Variants in NHSL2 observed in about 807,000 individuals in gnomAD.
NHSL2 encodes NHS like 2.
Under a neutral mutation model 53.4 loss-of-function variants are expected in NHSL2, and 27 were observed. The ratio of observed to expected loss-of-function variants is 0.51; its 90% CI spans 0.37 to 0.70. The LOEUF is 0.70. Ranked by LOEUF, NHSL2 falls within the 30% of genes least tolerant of loss-of-function variation. The probability of loss-of-function intolerance (pLI) is 0.00; values close to 1 mark genes in which losing one functional copy is unlikely to be tolerated. For missense variants in NHSL2, 892 were observed against 980.1 expected (o/e 0.91, Z 1.20); for synonymous variants, 408 against 404.1 (o/e 1.01, Z -0.12).
chrX:72,058,761 G>C (rs1464522550), intron 1 of NHSL2, among the ~76,000 whole-genome samples: 3 of 112,490 alleles, frequency 2.7e-5, no homozygotes, highest in Non-Finnish European at 3.8e-5. Context: ...ATTGCTACCT[G>C]ACCTGGCTTG....
In NHSL2 at chrX:72,102,552, G is replaced by A. The variant is rs148166914; in HGVS notation, c.281-29527G>A. Among the ~76,000 whole-genome samples the A allele has an allele frequency of 1.4e-4, 16 of 112,316 alleles. No individual in the cohort carries two copies. In the East Asian group the frequency reaches 4.4e-3, roughly 31 times the overall value. On this transcript the variant is annotated intron_variant, in intron 1 of 7. Coordinates refer to ENST00000633930, the MANE Select transcript of NHSL2 (RefSeq NM_001013627.3). ...AGGAATAAATGAGAAAATGTGTTAG[G>A]TTGAATCCTATGAAACTGTCCAAAG...
intron 1 of NHSL2, among the ~76,000 whole-genome samples, chrX:71,993,637 G>A (rs758794939): frequency 9.0e-6 from 1 of 111,556 alleles, no homozygotes; most frequent in Non-Finnish European, 1.9e-5. Flanking sequence ...CTGTCTGAAT[G>A]AGCCAAGGAT....
intron 1 of NHSL2, among the ~76,000 whole-genome samples, chrX:71,911,960 G>C (rs2041605792): frequency 8.9e-6 from 1 of 111,883 alleles, no homozygotes; most frequent in Non-Finnish European, 1.9e-5. Flanking sequence ...CTCTCCGCAC[G>C]TTTTGGGCCG....
At chrX:71,986,172 A>G (rs376187582) in intron 1 of NHSL2, among the ~76,000 whole-genome samples, 13 of 112,164 alleles carry the variant, frequency 1.2e-4, no homozygotes, top group African/African-American at 3.9e-4. Context: ...TATGACTTTT[A>G]TACCAAATAA....
At chrX:71,957,424 G>C (rs1223902852) in intron 1 of NHSL2, among the ~76,000 whole-genome samples, 1 of 112,221 alleles carries the variant, frequency 8.9e-6, no homozygotes, top group Non-Finnish European at 1.9e-5. Context: ...CCACCACCGT[G>C]CTCAGCTAAT....
At chrX:72,066,244 A>C (rs758956055) in intron 1 of NHSL2, among the ~76,000 whole-genome samples, 43 of 111,730 alleles carry the variant, frequency 3.8e-4, no homozygotes, top group Admixed American at 6.6e-4. Flanking sequence ...TACAGGACTC[A>C]GTGAATGCGT....
At chrX:72,014,140 T>G (rs555840912) in intron 1 of NHSL2, among the ~76,000 whole-genome samples, 1 of 112,267 alleles carries the variant, frequency 8.9e-6, no homozygotes, top group East Asian at 2.8e-4. Flanking sequence ...ATTTGATGTC[T>G]GAAGGCTCTG....
intron 1 of NHSL2, among the ~76,000 whole-genome samples, chrX:72,093,728 T>TGCTTGC (rs1300920275): frequency 3.7e-5 from 3 of 80,815 alleles, no homozygotes; most frequent in Non-Finnish European, 2.7e-5. Flanking sequence ...CTTGCTTTCT[T>TGCTTGC]TCTTTCTTTC....
At chrX:71,929,462 G>A (rs964931351) in intron 1 of NHSL2, among the ~76,000 whole-genome samples, 3 of 112,379 alleles carry the variant, frequency 2.7e-5, no homozygotes, top group Non-Finnish European at 5.6e-5. Flanking sequence ...AGAGTTTAGT[G>A]AAAATAAACA....
chrX:72,076,438 C>T (rs780513907), intron 1 of NHSL2, among the ~76,000 whole-genome samples: 9 of 111,254 alleles, frequency 8.1e-5, no homozygotes, highest in South Asian at 3.8e-4. Context: ...GTGACATTCC[C>T]AGGGTCATGC....
intron 1 of NHSL2, among the ~76,000 whole-genome samples, chrX:72,122,000 C>T (rs2042185199): frequency 8.9e-6 from 1 of 111,992 alleles, no homozygotes; most frequent in African/African-American, 3.2e-5. Flanking sequence ...TATAGAATTG[C>T]CACTAAATCT....
At chrX:71,929,198 A>G (rs1338472509) in intron 1 of NHSL2, among the ~76,000 whole-genome samples, 1 of 112,416 alleles carries the variant, frequency 8.9e-6, no homozygotes, top group Non-Finnish European at 1.9e-5. Context: ...TAGGCTTACA[A>G]AGGAAAACAA....
intron 1 of NHSL2, among the ~76,000 whole-genome samples, chrX:71,978,648 G>A (rs947199751): frequency 3.6e-5 from 4 of 110,002 alleles, no homozygotes; most frequent in African/African-American, 1.3e-4. Flanking sequence ...GGCTGGCCCT[G>A]GCCCTGGCAT....
intron 1 of NHSL2, among the ~76,000 whole-genome samples, chrX:71,949,259 GC>G (rs2041808691): frequency 9.0e-6 from 1 of 111,285 alleles, no homozygotes; most frequent in Admixed American, 9.5e-5. Context: ...AAGAAAAGTA[GC>G]ATAGAGGGGC....
rs182445304 is a variant in NHSL2, at chrX:72,126,207, G to A, written c.281-5872G>A. Among the ~76,000 whole-genome samples, 136 of 111,856 alleles carry A rather than the reference G, an allele frequency of 1.2e-3. 1 individual carries two copies. Among genetic ancestry groups the A allele is most frequent in the Non-Finnish European group, 2.0e-3 (106 of 53,143 alleles). ...AAGCAAATGTGCCTCTGAAACCAGG[G>A]TTTGTTTCCCCCACGGGAATCCTGC... On this transcript the variant is annotated intron_variant, in intron 1 of 7. Transcript: ENST00000633930.
chrX:71,959,331 T>C (rs6525553), intron 1 of NHSL2, among the ~76,000 whole-genome samples: 9,812 of 111,755 alleles, frequency 0.088, 440 homozygotes, highest in East Asian at 0.28. Flanking sequence ...CTGAACAAAT[T>C]TATCGTATGA....
chrX:72,091,409 G>A (rs2041897840), intron 1 of NHSL2, among the ~76,000 whole-genome samples: 1 of 110,574 alleles, frequency 9.0e-6, no homozygotes, highest in Non-Finnish European at 1.9e-5. Flanking sequence ...AGCCGAGATC[G>A]CGCCACTGCA....
intron 1 of NHSL2, among the ~76,000 whole-genome samples, chrX:71,976,207 G>A (rs2041947510): frequency 8.9e-6 from 1 of 112,132 alleles, no homozygotes; most frequent in African/African-American, 3.2e-5. Flanking sequence ...TTGTGGTGAA[G>A]GGCTTGTACT....
intron 6 of NHSL2, chrX:72,141,440 G>T (rs1314186985): frequency 8.4e-6 from 1 of 119,597 alleles, no homozygotes; most frequent in Non-Finnish European, 1.9e-5. Context: ...TAAGTGTGCA[G>T]TTCATTCGTG....
Sources: gnomAD v4.1 joint callset for allele counts (sites outside exome capture counted in the v4.1 genomes callset) on GRCh38, gnomAD v4.1.1 for gene constraint, MANE v1.5 for transcripts, NCBI Gene and HGNC (gene_info 2026-07-23, HGNC 2026-07-21) for gene names.